The following YAP1 variants were observed in gnomAD, a reference collection of about 807,000 sequenced individuals.
YAP1 encodes the protein transcriptional coactivator YAP1.
In YAP1, 5 loss-of-function variants were observed where a neutral mutation model predicts 56.9. That is an observed-to-expected ratio of 0.09 (90% CI 0.05 to 0.18). YAP1 has a LOEUF of 0.18. YAP1 is among the 10% of genes least tolerant of loss of function. YAP1 has a pLI of 1.00. For synonymous variants in YAP1, 265 were observed against 248.1 expected (o/e 1.07, Z -0.64); for missense variants, 539 against 651.8 (o/e 0.83, Z 1.88).
At chr11:102,224,165 C>T (rs1056105900) in intron 7 of YAP1, among the ~76,000 whole-genome samples, 3 of 152,196 alleles carry the variant, frequency 2.0e-5, no homozygotes, top group Non-Finnish European at 4.4e-5. Flanking sequence ...AAACGTTTCA[C>T]CCAGCAGCAC....
rs147247110 is a variant in YAP1, at chr11:102,128,202, C to T, written c.572+13808C>T. ...AGGACATGAGATTTGGAGGGGCCAA[C>T]GGCAGCATGATATGATTTGGCTGTG... On this transcript the variant is annotated intron_variant, in intron 2 of 8. Coordinates refer to ENST00000282441, the MANE Select transcript of YAP1 (RefSeq NM_001130145.3). Among the ~76,000 whole-genome samples, 805 of 152,178 alleles carry T rather than the reference C, an allele frequency of 5.3e-3. 6 individuals carry two copies. Among genetic ancestry groups the T allele is most frequent in the African/African-American group, 0.018 (765 of 41,536 alleles).
At chr11:102,177,692 A>G (rs1175377665) in intron 3 of YAP1, among the ~76,000 whole-genome samples, 1 of 151,918 alleles carries the variant, frequency 6.6e-6, no homozygotes, top group African/African-American at 2.4e-5. Context: ...AAAAAAAAAA[A>G]AAAGTTTATG....
At chr11:102,216,283 A>T (rs2135663665) in intron 6 of YAP1, among the ~76,000 whole-genome samples, 1 of 152,332 alleles carries the variant, frequency 6.6e-6, no homozygotes, top group South Asian at 2.1e-4. Flanking sequence ...GAAACTAAGA[A>T]TTTTAGATGT....
rs1001157640 is a variant in YAP1 at position 102,230,454 on chromosome 11, A to G, written c.*514A>G. The G allele has an allele frequency of 1.9e-5, 3 of 153,920 alleles. No homozygotes were observed. Among genetic ancestry groups the G allele is most frequent in the African/African-American group, 7.2e-5 (3 of 41,476 alleles). The allele number at this position is 153,920 out of a possible 1,614,324, so 9.5% of individuals were successfully genotyped here. On this transcript the variant is annotated 3_prime_UTR_variant, in exon 9 of 9. Coordinates refer to ENST00000282441, the MANE Select transcript of YAP1 (RefSeq NM_001130145.3). ...TAATGCTGATTTGAAGAGATAGCTG[A>G]AACCAAGGCTGAAGACTGTTTTACT... is the stretch of plus-strand genomic sequence containing the variant.
At chr11:102,212,222 A>G (rs1030145316) in intron 6 of YAP1, among the ~76,000 whole-genome samples, 1 of 152,204 alleles carries the variant, frequency 6.6e-6, no homozygotes, top group Non-Finnish European at 1.5e-5. Context: ...GATCAGTGTC[A>G]TTTTCTAATC....
intron 8 of YAP1, among the ~76,000 whole-genome samples, chr11:102,229,496 A>G (rs1370907781): frequency 1.3e-5 from 2 of 152,038 alleles, no homozygotes; most frequent in African/African-American, 4.8e-5. Flanking sequence ...CTGTTATTGG[A>G]TATCTGAACA....
At chr11:102,221,894 T>C (rs990792270) in intron 6 of YAP1, among the ~76,000 whole-genome samples, 1 of 152,158 alleles carries the variant, frequency 6.6e-6, no homozygotes, top group African/African-American at 2.4e-5. Context: ...TGAATACTAA[T>C]GGTGCATACT....
At chr11:102,148,543 A>G (rs768918202) in intron 2 of YAP1, among the ~76,000 whole-genome samples, 1 of 152,166 alleles carries the variant, frequency 6.6e-6, no homozygotes, top group Non-Finnish European at 1.5e-5. Context: ...TAATGTGCCT[A>G]GTTTAAGGAT....
At chr11:102,226,252 G>C (rs1565289951) in intron 7 of YAP1, among the ~76,000 whole-genome samples, 1 of 152,172 alleles carries the variant, frequency 6.6e-6, no homozygotes, top group Non-Finnish European at 1.5e-5. Flanking sequence ...TCTTGGATCT[G>C]TGTGAGGCTT....
intron 4 of YAP1, among the ~76,000 whole-genome samples, chr11:102,187,420 C>T (rs1006175889): frequency 1.3e-5 from 2 of 152,128 alleles, no homozygotes; most frequent in African/African-American, 4.8e-5. Flanking sequence ...ATTCTGTTTA[C>T]TATTTGAATT....
intron 3 of YAP1, 75 bp from the exon 4 acceptor site, chr11:102,185,943 T>A: frequency 2.8e-6 from 4 of 1,405,742 alleles, no homozygotes. Context: ...TCTTTTTAAA[T>A]TAGTACCCCC....
At chr11:102,143,512 A>G (rs981126497) in intron 2 of YAP1, among the ~76,000 whole-genome samples, 3 of 152,202 alleles carry the variant, frequency 2.0e-5, no homozygotes, top group Non-Finnish European at 2.9e-5. Flanking sequence ...ATGTTCACCA[A>G]CATTAGCCAG....
intron 6 of YAP1, among the ~76,000 whole-genome samples, chr11:102,215,537 C>T (rs1232167480): frequency 6.6e-6 from 1 of 152,180 alleles, no homozygotes; most frequent in Non-Finnish European, 1.5e-5. Flanking sequence ...TGCAATGGCA[C>T]GATCTCGGCT....
intron 2 of YAP1, among the ~76,000 whole-genome samples, chr11:102,133,056 G>T (rs928983571): frequency 4.6e-5 from 7 of 152,106 alleles, no homozygotes; most frequent in Admixed American, 1.3e-4. Context: ...TACTCTGGAG[G>T]CTGAGGCAGG....
chr11:102,164,758 T>C (rs1479234333), intron 3 of YAP1, among the ~76,000 whole-genome samples: 2 of 152,106 alleles, frequency 1.3e-5, no homozygotes, highest in Non-Finnish European at 2.9e-5. Context: ...GTTTTGCTCT[T>C]GTAGCCCAGG....
At chr11:102,119,762 A>G (rs1435599956) in intron 2 of YAP1, among the ~76,000 whole-genome samples, 1 of 152,210 alleles carries the variant, frequency 6.6e-6, no homozygotes, top group Non-Finnish European at 1.5e-5. Context: ...TACTCAGGGT[A>G]TCATGACTCT....
At chr11:102,159,254 G>A (rs988709080) in intron 2 of YAP1, among the ~76,000 whole-genome samples, 4 of 152,142 alleles carry the variant, frequency 2.6e-5, no homozygotes, top group Non-Finnish European at 5.9e-5. Context: ...GGTCCTCAAA[G>A]CCCAGCCAGC....
At chr11:102,206,397 A>T (rs1949121331) in intron 5 of YAP1, among the ~76,000 whole-genome samples, 1 of 152,226 alleles carries the variant, frequency 6.6e-6, no homozygotes, top group Admixed American at 6.5e-5. Flanking sequence ...TGTTTTTCTG[A>T]GGATTTCACT....
chr11:102,131,666 A>G (rs1301457608), intron 2 of YAP1, among the ~76,000 whole-genome samples: 1 of 152,214 alleles, frequency 6.6e-6, no homozygotes, highest in Admixed American at 6.5e-5. Flanking sequence ...TTCACTCTTG[A>G]AAGTATCCCA....
Sources: gnomAD v4.1 joint callset for allele counts (sites outside exome capture counted in the v4.1 genomes callset) on GRCh38, gnomAD v4.1.1 for gene constraint, MANE v1.5 for transcripts, NCBI Gene and HGNC (gene_info 2026-07-23, HGNC 2026-07-21) for gene names.